The following LPIN3 variants were observed in gnomAD, a reference collection of about 807,000 sequenced individuals.
LPIN3 encodes the protein lipin 3.
A neutral mutation model predicts 94.7 loss-of-function variants in LPIN3; 82 were observed. That is an observed-to-expected ratio of 0.87 (90% confidence interval 0.72 to 1.04). The LOEUF (loss-of-function observed/expected upper bound fraction) is 1.04, where lower values mean the gene tolerates loss of function less well. Ranked by LOEUF, LPIN3 falls within the 50% of genes least tolerant of loss-of-function variation. The pLI is 0.00. For synonymous variants in LPIN3, 418 were observed against 443.3 expected, an observed-to-expected ratio of 0.94 and a Z score of 0.72; for missense variants, 996 against 1,090.5, an observed-to-expected ratio of 0.91 and a Z score of 1.22.
intron 3 of LPIN3, 149 bp downstream of exon 3, chr20:41,347,796 G>C: frequency 1.5e-6 from 1 of 663,116 alleles, no homozygotes; most frequent in South Asian, 2.0e-5. Context: ...GTTGGGGCTG[G>C]CCTCTGGCAC....
intron 4 of LPIN3, 27 bp from the exon 5 acceptor site, chr20:41,349,065 G>C: frequency 6.2e-7 from 1 of 1,613,502 alleles, no homozygotes; most frequent in Non-Finnish European, 8.5e-7. Context: ...CCTGATCAGT[G>C]ACCATTTCCT....
intron 2 of LPIN3, 93 bp from the exon 3 acceptor site, chr20:41,347,459 C>T (rs985269346): frequency 2.1e-5 from 24 of 1,168,236 alleles, no homozygotes; most frequent in Admixed American, 2.0e-4. Flanking sequence ...GTGTTTGGGG[C>T]GGCAAGGAGC....
At chr20:41,358,624 T>C (rs1358062193) in intron 19 of LPIN3, 82 bp downstream of exon 19, 2 of 1,603,986 alleles carry the variant, frequency 1.2e-6, no homozygotes, top group African/African-American at 2.7e-5. Context: ...ATTTTACCTC[T>C]TACCGGGGAG....
intron 6 of LPIN3, 35 bp from the exon 7 acceptor site, chr20:41,350,020 C>T (rs1241442783): frequency 6.4e-7 from 1 of 1,567,278 alleles, no homozygotes; most frequent in East Asian, 2.3e-5. Context: ...GGGCCTTACC[C>T]TGGCCCACAT....
intron 3 of LPIN3, 113 bp from the exon 4 acceptor site, chr20:41,348,506 C>G (rs2045869947): frequency 6.9e-7 from 1 of 1,456,002 alleles, no homozygotes; most frequent in African/African-American, 1.4e-5. Context: ...TTTTCCTGAC[C>G]CTAAATGAGC....
intron 11 of LPIN3, 27 bp downstream of exon 11, chr20:41,352,894 G>C (rs562202971): frequency 6.2e-7 from 1 of 1,612,118 alleles, no homozygotes; most frequent in Admixed American, 1.7e-5. Flanking sequence ...CACTGCCCCT[G>C]CTGGGGAAGG....
chr20:41,352,150 T>G lies in LPIN3; in HGVS notation c.1293T>G (p.Thr431=). ...ACCCTGAACATGAACCTGAACCCACTCTGGACACAGTGGATACAATAGCAC... is the reference window on the plus strand; with the variant it reads ...ACCCTGAACATGAACCTGAACCCACGCTGGACACAGTGGATACAATAGCAC... ...DPNPEHEPEP[T]LDTVDTIALS... Residue 431 remains threonine, a synonymous_variant, in exon 9 of 20, where the codon ACT becomes ACG. Transcript: ENST00000373257. The G allele has an allele frequency of 6.2e-7, 1 of 1,614,190 alleles. No homozygotes were observed. Among genetic ancestry groups the G allele is most frequent in the Non-Finnish European group, 8.5e-7 (1 of 1,180,046 alleles).
intron 13 of LPIN3, 48 bp from the exon 14 acceptor site, chr20:41,355,848 A>C (rs1415448803): frequency 4.4e-6 from 7 of 1,606,344 alleles, no homozygotes; most frequent in Non-Finnish European, 6.0e-6. Context: ...CCGGGAGTGA[A>C]GGCCCTTTGG....
At chr20:41,358,388 C>A in intron 18 of LPIN3, 37 bp downstream of exon 18, 1 of 1,612,928 alleles carries the variant, frequency 6.2e-7, no homozygotes. Context: ...AGCCACCTCT[C>A]CCCAGCTGCC....
chr20:41,347,479 A>T, intron 2 of LPIN3, 73 bp from the exon 3 acceptor site: 2 of 1,449,578 alleles, frequency 1.4e-6, no homozygotes, highest in South Asian at 1.1e-5. Context: ...CCACTGGAGG[A>T]CCAGCCAGGA....
Position 41,348,671 on chromosome 20 carries a change from C to G in LPIN3, c.341C>G (p.Ser114Cys). 6.2e-7 allele frequency: 1 copy of G among 1,613,862 alleles called. No individual in the cohort carries two copies. Among genetic ancestry groups the G allele is most frequent in the Non-Finnish European group, 8.5e-7 (1 of 1,179,820 alleles). Residue 114 changes from serine to cysteine, a missense_variant, in exon 4 of 20, where the codon TCT becomes TGT. Coordinates refer to ENST00000373257, the MANE Select transcript of LPIN3 (RefSeq NM_022896.3). ...CTSPIPWGGLSGFPSDSQLGT... is the reference protein window; with the variant it reads ...CTSPIPWGGLCGFPSDSQLGT... ...TCACCCATCCCTTGGGGGGGTCTGT[C>G]TGGCTTCCCCTCGGACTCCCAGCTG...
At position 41,348,364 on chromosome 20, in the gene LPIN3, G is replaced by T. The variant is rs376278035; in HGVS notation, c.289-255G>T. 8.9e-4 allele frequency among the ~76,000 whole-genome samples: 135 copies of T among 152,328 alleles called. 1 individual carries two copies. The highest frequency in any genetic ancestry group is 3.0e-3 in the African/African-American group (123 of 41,582). Reference sequence around the variant, plus strand: ...GCAGAAGTAGATGTCTGCTGTCATAGACTTGGGTAGAAGAGGAGATCAGAG... The same window carrying T: ...GCAGAAGTAGATGTCTGCTGTCATATACTTGGGTAGAAGAGGAGATCAGAG... On this transcript the variant is annotated intron_variant, in intron 3 of 19. Transcript: ENST00000373257.
chr20:41,358,338 G>A lies in LPIN3; in HGVS notation c.2294G>A (p.Gly765Glu), dbSNP rs760063326. 1.2e-6 allele frequency: 2 copies of A among 1,614,026 alleles called. No individual in the cohort carries two copies. Among genetic ancestry groups the A allele is most frequent in the African/African-American group, 2.7e-5 (2 of 74,922 alleles). The change falls in exon 18 of 20, where the codon GGG becomes GAG. Residue 765 changes from glycine to glutamate, a missense_variant. Physicochemically the swap from Gly to Glu is moderately conservative, Grantham distance 98 (BLOSUM62 -2). Coordinates refer to ENST00000373257, the MANE Select transcript of LPIN3 (RefSeq NM_022896.3). ...PHGQPFYAAF[G>E]NRPNDVFAYR... ...GGACAGCCCTTCTATGCTGCCTTTG[G>A]GAATAGGCCCAATGTGAGTGTGTCC...
At chr20:41,356,345 A>C (rs1313633163) in intron 14 of LPIN3, among the ~76,000 whole-genome samples, 1 of 152,136 alleles carries the variant, frequency 6.6e-6, no homozygotes, top group Admixed American at 6.5e-5. Context: ...AAAAGAATCA[A>C]ATGCTAATGA....
Position 41,355,968 on chromosome 20 carries a change from G to A in LPIN3, c.1737G>A (p.Leu579=), listed in dbSNP as rs2046193037. 1 of 1,613,910 alleles carries A rather than the reference G, an allele frequency of 6.2e-7. No homozygotes were observed. Among genetic ancestry groups the A allele is most frequent in the Non-Finnish European group, 8.5e-7 (1 of 1,179,980 alleles). ...DSPVILEIPS[L]PPSTPPSTPT... ...CTGTGATCCTGGAGATCCCCTCCTT[G>A]CCACCCTCCACTCCACCCTCCACTC... The change falls in exon 14 of 20, where the codon TTG becomes TTA. Residue 579 remains leucine, a synonymous_variant. Coordinates refer to ENST00000373257, the MANE Select transcript of LPIN3 (RefSeq NM_022896.3).
chr20:41,350,020 C>A, intron 6 of LPIN3, 35 bp from the exon 7 acceptor site: 1 of 1,567,278 alleles, frequency 6.4e-7, no homozygotes, highest in East Asian at 2.3e-5. Flanking sequence ...GGGCCTTACC[C>A]TGGCCCACAT....
intron 1 of LPIN3, among the ~76,000 whole-genome samples, chr20:41,345,259 C>A (rs751538360): frequency 6.6e-6 from 1 of 152,344 alleles, no homozygotes; most frequent in East Asian, 1.9e-4. Context: ...CTTCCCACCC[C>A]CTCCGTTTTC....
At chr20:41,349,472 G>A (rs568245233) in intron 5 of LPIN3, among the ~76,000 whole-genome samples, 2 of 152,070 alleles carry the variant, frequency 1.3e-5, no homozygotes, top group East Asian at 1.9e-4. Flanking sequence ...TCCCCCAAAT[G>A]GAAACCCTAT....
At position 41,357,438 on chromosome 20, in the gene LPIN3, A is replaced by G. The variant is rs1008281959; in HGVS notation, c.2030A>G (p.Lys677Arg). The change falls in exon 16 of 20, where the codon AAA (lysine) becomes AGA (arginine). Residue 677 changes from lysine to arginine, a missense_variant. By Grantham distance (26) the Lys-to-Arg change is conservative. Coordinates refer to ENST00000373257, the MANE Select transcript of LPIN3 (RefSeq NM_022896.3). Reference sequence around the variant, plus strand: ...CAGGGCATCACCAGTCTCTATCACAAAATCCAACTGTGAGTGCCTGGGCTG... The same window carrying G: ...CAGGGCATCACCAGTCTCTATCACAGAATCCAACTGTGAGTGCCTGGGCTG... ...THQGITSLYH[K>R]IQLNGYKFLY... The G allele has an allele frequency of 4.3e-6, 7 of 1,613,274 alleles. No homozygotes were observed. The Admixed American group carries it at 6.7e-5, about 15-fold the overall frequency.
Sources: allele counts gnomAD v4.1 joint callset (sites outside exome capture counted in the v4.1 genomes callset), GRCh38; gene constraint gnomAD v4.1.1; transcripts MANE v1.5; gene names NCBI Gene and HGNC (gene_info 2026-07-23, HGNC 2026-07-21).